The following STK3 variants were observed in gnomAD, a reference collection of about 807,000 sequenced individuals.
STK3 encodes the protein serine/threonine kinase 3.
Under a neutral mutation model 58.0 loss-of-function variants are expected in STK3, and 41 were observed. That is an observed-to-expected ratio of 0.71 (90% confidence interval 0.55 to 0.92). The LOEUF (loss-of-function observed/expected upper bound fraction) is 0.92, where lower values mean the gene tolerates loss of function less well. Among genes scored for constraint, STK3 ranks in the 40% least tolerant of loss-of-function variants. The pLI is 0.00. For synonymous variants in STK3, 170 were observed against 191.0 expected (o/e 0.89, Z 0.91); for missense variants, 479 against 602.7 (o/e 0.79, Z 2.15).
intron 2 of STK3, among the ~76,000 whole-genome samples, chr8:98,376,420 A>G (rs1276715735): frequency 1.3e-5 from 2 of 152,192 alleles, no homozygotes; most frequent in Non-Finnish European, 2.9e-5. Context: ...CAAGTTTTCA[A>G]TTTTGATGAA....
chr8:98,448,377 T>C (rs557824974), intron 1 of STK3, among the ~76,000 whole-genome samples: 24 of 152,310 alleles, frequency 1.6e-4, no homozygotes, highest in African/African-American at 5.3e-4. Flanking sequence ...ACCTTGTTTT[T>C]CCTTGACATC....
rs190953960 is a variant in STK3 at position 98,896,255 on chromosome 8, G to A, written c.-78-12421C>T. 1.1e-3 allele frequency among the ~76,000 whole-genome samples: 172 copies of A among 152,224 alleles called. 1 individual carries two copies. Among genetic ancestry groups the A allele is most frequent in the African/African-American group, 3.9e-3 (160 of 41,512 alleles). On this transcript the variant is annotated intron_variant, in intron 1 of 1. Coordinates refer to the STK3 transcript ENST00000519420. The stretch of plus-strand genomic sequence containing the variant: ...AATCTTCCTAAAGCATCAAATTCAC[G>A]AGAGAAAATTCTCCAGAGACCCTCC...
chr8:98,724,279 C>T (rs767611374), intron 4 of STK3, among the ~76,000 whole-genome samples: 81 of 152,292 alleles, frequency 5.3e-4, no homozygotes, highest in Non-Finnish European at 9.6e-4. Context: ...CTGCCAGCCT[C>T]GACCATCTAC....
intron 10 of STK3, among the ~76,000 whole-genome samples, chr8:98,515,218 T>C (rs1824836217): frequency 6.6e-6 from 1 of 152,080 alleles, no homozygotes; most frequent in Non-Finnish European, 1.5e-5. Context: ...ATAAGAGTTT[T>C]CCCCTCATAA....
chr8:98,383,262 A>G (rs371632017), intron 1 of STK3, among the ~76,000 whole-genome samples: 2 of 152,194 alleles, frequency 1.3e-5, no homozygotes, highest in East Asian at 1.9e-4. Context: ...CAAGAGGTCA[A>G]ATAACTTGCC....
At position 98,372,353 on chromosome 8, in the gene STK3, G is replaced by T. The variant is rs568180574; in HGVS notation, n.112-675C>A. Among the ~76,000 whole-genome samples, 18 of 152,304 alleles carry T rather than the reference G, an allele frequency of 1.2e-4. No individual in the cohort carries two copies. The South Asian group carries it at 3.5e-3, about 30-fold the overall frequency. ...TTCAGGGCAGCCTCCAAGTTCCAGAGCCTTATGCCTCAGCCATCAGCTGGG... is the reference window on the plus strand; with the variant it reads ...TTCAGGGCAGCCTCCAAGTTCCAGATCCTTATGCCTCAGCCATCAGCTGGG... On this transcript the variant is annotated intron_variant and non_coding_transcript_variant, in intron 2 of 2. Transcript: ENST00000518704.
At chr8:98,733,002 T>C (rs1228867701) in intron 4 of STK3, among the ~76,000 whole-genome samples, 1 of 152,206 alleles carries the variant, frequency 6.6e-6, no homozygotes, top group African/African-American at 2.4e-5. Context: ...GTAAATCCAT[T>C]TAGACCACAT....
At chr8:98,514,555 A>T (rs1423390354) in intron 10 of STK3, among the ~76,000 whole-genome samples, 2 of 151,730 alleles carry the variant, frequency 1.3e-5, no homozygotes, top group Non-Finnish European at 2.9e-5. Context: ...AAAAAAAAAA[A>T]CAGTGAAATC....
At chr8:98,586,093 T>C (rs1423105301) in intron 7 of STK3, among the ~76,000 whole-genome samples, 1 of 152,104 alleles carries the variant, frequency 6.6e-6, no homozygotes, top group African/African-American at 2.4e-5. Context: ...TTGATTTACT[T>C]CTCCTGCCTG....
At chr8:98,371,249 C>T (rs1277034931), downstream of STK3, 2 of 152,200 alleles carry the variant, frequency 1.3e-5, no homozygotes, top group Admixed American at 1.3e-4. Context: ...CTGGTTTATC[C>T]ATCCCTCTGA....
chr8:98,566,349 G>A (rs1812479438), intron 8 of STK3, among the ~76,000 whole-genome samples: 1 of 151,696 alleles, frequency 6.6e-6, no homozygotes, highest in Non-Finnish European at 1.5e-5. Context: ...TTTAATTTTA[G>A]GCCCCTAATT....
chr8:98,754,992 TG>T (rs1830203873), intron 3 of STK3, among the ~76,000 whole-genome samples: 1 of 152,178 alleles, frequency 6.6e-6, no homozygotes, highest in South Asian at 2.1e-4. Flanking sequence ...AATTCTAACC[TG>T]GGCAGCCACC....
intron 6 of STK3, among the ~76,000 whole-genome samples, chr8:98,646,406 T>C (rs1159321462): frequency 1.3e-5 from 2 of 152,366 alleles, no homozygotes; most frequent in African/African-American, 2.4e-5. Context: ...AATTGTTTAA[T>C]TGTATTTTAT....
At chr8:98,423,396 G>C (rs1331008557) in intron 3 of STK3, among the ~76,000 whole-genome samples, 1 of 152,242 alleles carries the variant, frequency 6.6e-6, no homozygotes, top group Non-Finnish European at 1.5e-5. Context: ...GGAGCAAAGC[G>C]GGCATGCGGC....
At chr8:98,941,686 G>A (rs1353819822) in intron 1 of STK3, among the ~76,000 whole-genome samples, 1 of 152,148 alleles carries the variant, frequency 6.6e-6, no homozygotes, top group South Asian at 2.1e-4. Context: ...AGGGGCCTGC[G>A]CTGCGCGCCC....
intron 3 of STK3, among the ~76,000 whole-genome samples, chr8:98,409,107 C>T (rs535121186): frequency 3.3e-5 from 5 of 152,322 alleles, no homozygotes; most frequent in African/African-American, 1.2e-4. Flanking sequence ...CCCCATGCCC[C>T]AGTCCACTCA....
At chr8:98,748,374 TTC>T (rs1278775100) in intron 4 of STK3, among the ~76,000 whole-genome samples, 1 of 152,274 alleles carries the variant, frequency 6.6e-6, no homozygotes, top group Non-Finnish European at 1.5e-5. Context: ...TTATTTCAAC[TTC>T]TGTTTCACTT....
chr8:98,840,650 A>T (rs1448767717), intron 3 of STK3, among the ~76,000 whole-genome samples: 5 of 146,228 alleles, frequency 3.4e-5, no homozygotes, highest in Non-Finnish European at 7.5e-5. Context: ...CGTTTTATAT[A>T]TATTTATATA....
chr8:98,390,098 C>A (rs909508127), upstream of STK3, among the ~76,000 whole-genome samples: 4 of 152,136 alleles, frequency 2.6e-5, no homozygotes, highest in African/African-American at 9.7e-5. Context: ...TGTTTCCAGT[C>A]ATTTACCATT....
Sources: allele counts gnomAD v4.1 joint callset (sites outside exome capture counted in the v4.1 genomes callset), GRCh38; gene constraint gnomAD v4.1.1; transcripts MANE v1.5; gene names NCBI Gene and HGNC (gene_info 2026-07-23, HGNC 2026-07-21).